Variants in CLEC16A observed in about 807,000 individuals in gnomAD.
The protein encoded by CLEC16A is C-type lectin domain containing 16A.
A neutral mutation model predicts 109.5 loss-of-function variants in CLEC16A; 51 were observed. The observed-to-expected ratio is 0.47, with a 90% CI of 0.37 to 0.59. The LOEUF is 0.59. CLEC16A is among the 20% of genes least tolerant of loss of function. The pLI is 0.00. For synonymous variants in CLEC16A, 673 were observed against 564.2 expected (o/e 1.19, Z -2.73); for missense variants, 1,339 against 1,394.0 (o/e 0.96, Z 0.63).
At chr16:11,073,281 A>T (rs1341772389) in intron 19 of CLEC16A, among the ~76,000 whole-genome samples, 1 of 152,078 alleles carries the variant, frequency 6.6e-6, no homozygotes, top group Non-Finnish European at 1.5e-5. Flanking sequence ...CTCCACAGGT[A>T]GACATTTAAT....
At chr16:11,127,726 GGCA>G (rs1327075046) in intron 22 of CLEC16A, among the ~76,000 whole-genome samples, 1 of 152,046 alleles carries the variant, frequency 6.6e-6, no homozygotes, top group Non-Finnish European at 1.5e-5. Context: ...AAATTAGCCA[GGCA>G]TGGTGGTGGG....
intron 13 of CLEC16A, among the ~76,000 whole-genome samples, chr16:11,030,587 C>T (rs1318093126): frequency 6.6e-6 from 1 of 152,154 alleles, no homozygotes; most frequent in Non-Finnish European, 1.5e-5. Flanking sequence ...GAATCCTTAG[C>T]CCGTTTTTTA....
chr16:11,132,275 T>A (rs2053266995), intron 22 of CLEC16A, among the ~76,000 whole-genome samples: 1 of 48,996 alleles, frequency 2.0e-5, no homozygotes, highest in Admixed American at 2.6e-4. Context: ...TGGCATCCAC[T>A]AATCTGCTTT....
chr16:11,028,484 A>G (rs1330344978), intron 13 of CLEC16A, among the ~76,000 whole-genome samples: 4 of 151,988 alleles, frequency 2.6e-5, no homozygotes, highest in Middle Eastern at 3.2e-3. Context: ...TTTGAAAAAG[A>G]CTTGAAATAC....
intron 5 of CLEC16A, 95 bp from the exon 6 acceptor site, chr16:10,972,459 G>T: frequency 9.1e-7 from 1 of 1,104,724 alleles, no homozygotes; most frequent in South Asian, 1.3e-5. Context: ...CTCTCCCTCT[G>T]AGCAGCTCTC....
intron 19 of CLEC16A, among the ~76,000 whole-genome samples, chr16:11,113,975 A>G (rs2051786716): frequency 6.6e-6 from 1 of 152,204 alleles, no homozygotes; most frequent in Non-Finnish European, 1.5e-5. Flanking sequence ...CAAAACGGCT[A>G]TGCTAATTTA....
intron 10 of CLEC16A, among the ~76,000 whole-genome samples, chr16:10,997,760 C>T: frequency 6.6e-6 from 1 of 152,252 alleles, no homozygotes; most frequent in East Asian, 1.9e-4. Context: ...TTTGTATATT[C>T]TTCCAGACCT....
At chr16:11,006,657 G>A (rs1363882822) in intron 11 of CLEC16A, among the ~76,000 whole-genome samples, 3 of 152,192 alleles carry the variant, frequency 2.0e-5, no homozygotes, top group Non-Finnish European at 2.9e-5. Flanking sequence ...GTGGTCACGA[G>A]GCACAGTTTT....
At chr16:11,076,662 C>G (rs2049392633) in intron 19 of CLEC16A, among the ~76,000 whole-genome samples, 1 of 152,160 alleles carries the variant, frequency 6.6e-6, no homozygotes, top group African/African-American at 2.4e-5. Context: ...CACAGAACAC[C>G]CAAAACAAAT....
intron 3 of CLEC16A, among the ~76,000 whole-genome samples, chr16:10,966,276 T>TG (rs2042501785): frequency 6.6e-6 from 1 of 152,082 alleles, no homozygotes; most frequent in African/African-American, 2.4e-5. Context: ...AGCCCTCAGA[T>TG]GTGGTAATAA....
intron 21 of CLEC16A, 99 bp downstream of exon 21, chr16:11,124,045 A>G: frequency 1.9e-6 from 2 of 1,040,440 alleles, no homozygotes; most frequent in Non-Finnish European, 2.8e-6. Flanking sequence ...ATAGCATAGA[A>G]GAAGACACGT....
chr16:11,075,378 C>CTGTG (rs373865850), intron 19 of CLEC16A, among the ~76,000 whole-genome samples: 10,696 of 134,558 alleles, frequency 0.079, 459 homozygotes, highest in Middle Eastern at 0.086. Context: ...TTGGATATGT[C>CTGTG]TGTGTGTGTG....
intron 3 of CLEC16A, among the ~76,000 whole-genome samples, chr16:10,968,929 G>C (rs2042646380): frequency 6.6e-6 from 1 of 152,108 alleles, no homozygotes; most frequent in Non-Finnish European, 1.5e-5. Flanking sequence ...TATTTGGTGT[G>C]GGAGGGCGGG....
intron 22 of CLEC16A, among the ~76,000 whole-genome samples, chr16:11,140,808 C>T (rs1308392275): frequency 2.0e-5 from 3 of 152,166 alleles, no homozygotes. Context: ...GGCCACACAC[C>T]CTGGAGCCAG....
chr16:11,027,277 A>T (rs555784565), intron 13 of CLEC16A: 27 of 1,546,728 alleles, frequency 1.7e-5, no homozygotes, highest in Non-Finnish European at 2.3e-5. Flanking sequence ...CCAGATAAAC[A>T]TTCCTTGGCC....
intron 3 of CLEC16A, among the ~76,000 whole-genome samples, chr16:10,968,764 A>G (rs888382864): frequency 2.1e-4 from 32 of 152,116 alleles, no homozygotes; most frequent in African/African-American, 7.0e-4. Context: ...TTCAGAGTTG[A>G]TGATGTGATT....
chr16:11,000,034 C>G (rs1207678628), intron 10 of CLEC16A, among the ~76,000 whole-genome samples: 11 of 152,188 alleles, frequency 7.2e-5, no homozygotes, highest in Non-Finnish European at 1.5e-4. Context: ...AGCGGAGTTT[C>G]ACTATATTGG....
chr16:11,168,728 TC>T (rs1352165742), intron 23 of CLEC16A, among the ~76,000 whole-genome samples: 1 of 152,242 alleles, frequency 6.6e-6, no homozygotes, highest in Non-Finnish European at 1.5e-5. Context: ...CTTCCCATGT[TC>T]CTTGTAGGGA....
chr16:11,171,499 A>T (rs1424345856), intron 23 of CLEC16A, among the ~76,000 whole-genome samples: 2 of 152,154 alleles, frequency 1.3e-5, no homozygotes, highest in East Asian at 3.8e-4. Flanking sequence ...CACCCTCCCC[A>T]CGAAGTGTCC....
Sources: gnomAD v4.1 joint callset for allele counts (sites outside exome capture counted in the v4.1 genomes callset) on GRCh38, gnomAD v4.1.1 for gene constraint, MANE v1.5 for transcripts, NCBI Gene and HGNC (gene_info 2026-07-23, HGNC 2026-07-21) for gene names.